The following XYLT1 variants were observed in gnomAD, a reference collection of about 807,000 sequenced individuals.
The protein encoded by XYLT1 is xylosyltransferase 1.
In XYLT1, 36 loss-of-function variants were observed where a neutral mutation model predicts 91.3. That is an observed-to-expected ratio of 0.39 (90% CI 0.30 to 0.52). The LOEUF is 0.52. Ranked by LOEUF, XYLT1 falls within the 20% of genes least tolerant of loss-of-function variation. The probability of loss-of-function intolerance (pLI) is 0.68; values close to 1 mark genes in which losing one functional copy is unlikely to be tolerated. For synonymous variants in XYLT1, 588 were observed against 532.0 expected (o/e 1.11, Z -1.45); for missense variants, 1,242 against 1,284.5 (o/e 0.97, Z 0.51).
chr16:17,395,148 A>G (rs923829148), intron 1 of XYLT1, among the ~76,000 whole-genome samples: 4 of 152,210 alleles, frequency 2.6e-5, no homozygotes, highest in African/African-American at 9.6e-5. Flanking sequence ...ATGAGAGTGA[A>G]GGGGGAACTG....
At chr16:17,109,193 C>T (rs1188894016) in intron 11 of XYLT1, among the ~76,000 whole-genome samples, 176 bp from the exon 12 acceptor site, 1 of 152,152 alleles carries the variant, frequency 6.6e-6, no homozygotes, top group African/African-American at 2.4e-5. Flanking sequence ...GAAAACTGAG[C>T]CCGTAAGGAC....
intron 3 of XYLT1, among the ~76,000 whole-genome samples, chr16:17,241,450 C>T (rs909270843): frequency 6.6e-6 from 1 of 152,266 alleles, no homozygotes; most frequent in Non-Finnish European, 1.5e-5. Context: ...GCCTGGCCCA[C>T]TGCCGTGGCT....
At chr16:17,372,097 A>G (rs2035542411) in intron 1 of XYLT1, among the ~76,000 whole-genome samples, 1 of 152,220 alleles carries the variant, frequency 6.6e-6, no homozygotes, top group African/African-American at 2.4e-5. Flanking sequence ...TAAGAGTTTT[A>G]CTTCTGAGCT....
chr16:17,158,912 G>A lies in XYLT1; in HGVS notation c.1290-3C>T. ...ACGCCACCAACTGGTCATTTGTCCT[G>A]TGGAAACAAACCAAGGGGAGAGTCA... On this transcript the variant is annotated splice_region_variant and splice_polypyrimidine_tract_variant and intron_variant, in intron 5 of 11. Transcript: ENST00000261381. 1 of 1,614,066 alleles carries A rather than the reference G, an allele frequency of 6.2e-7. No individual in the cohort carries two copies. The highest frequency in any genetic ancestry group is 2.2e-5 in the East Asian group (1 of 44,870).
intron 1 of XYLT1, among the ~76,000 whole-genome samples, chr16:17,443,586 C>A (rs761233175): frequency 1.3e-5 from 2 of 152,192 alleles, no homozygotes; most frequent in Non-Finnish European, 2.9e-5. Flanking sequence ...GTCAATTAAA[C>A]CTCTTTTGTT....
At chr16:17,404,248 T>C (rs1224468358) in intron 1 of XYLT1, among the ~76,000 whole-genome samples, 2 of 152,180 alleles carry the variant, frequency 1.3e-5, no homozygotes, top group Non-Finnish European at 2.9e-5. Flanking sequence ...TCTCAGATCC[T>C]GTCCCTTTTC....
chr16:17,280,622 C>T (rs192135006), intron 2 of XYLT1, among the ~76,000 whole-genome samples: 3 of 152,288 alleles, frequency 2.0e-5, no homozygotes, highest in Non-Finnish European at 4.4e-5. Context: ...GGAAGTTCCT[C>T]CCAGCTTTCA....
At chr16:17,134,789 G>C in intron 8 of XYLT1, 54 bp from the exon 9 acceptor site, 1 of 1,596,644 alleles carries the variant, frequency 6.3e-7, no homozygotes, top group Non-Finnish European at 8.5e-7. Flanking sequence ...GCTGGGGGTT[G>C]GGGGGAACCT....
rs565710822 is a variant in XYLT1, at chr16:17,156,766, G to C, written c.1370+2063C>G. Among the ~76,000 whole-genome samples the C allele has an allele frequency of 1.4e-4, 21 of 152,274 alleles. No individual in the cohort carries two copies. The South Asian group carries it at 4.3e-3, about 32-fold the overall frequency. The stretch of plus-strand genomic sequence containing the variant: ...CTGTACTCTTAGTGGCCTGAGCGTA[G>C]TAAACTAATCTGTGCTAATTTACAG... On this transcript the variant is annotated intron_variant, in intron 6 of 11. Transcript: ENST00000261381.
intron 3 of XYLT1, among the ~76,000 whole-genome samples, chr16:17,214,765 T>A (rs1468360428): frequency 3.3e-5 from 5 of 152,184 alleles, no homozygotes; most frequent in Non-Finnish European, 7.3e-5. Flanking sequence ...GAAAATGAAA[T>A]GGTGGCCATC....
chr16:17,138,155 G>A (rs183476940), intron 8 of XYLT1, 200 bp downstream of exon 8: 152 of 433,626 alleles, frequency 3.5e-4, no homozygotes, highest in African/African-American at 2.7e-3. Context: ...GGGTTAATGA[G>A]TCAATGTGGT....
intron 1 of XYLT1, among the ~76,000 whole-genome samples, chr16:17,414,849 T>C (rs1316126308): frequency 1.3e-5 from 2 of 152,090 alleles, no homozygotes; most frequent in African/African-American, 4.8e-5. Context: ...CAACACAAGA[T>C]GCTGTGAGAT....
At chr16:17,405,468 A>G (rs1344968969) in intron 1 of XYLT1, among the ~76,000 whole-genome samples, 1 of 152,214 alleles carries the variant, frequency 6.6e-6, no homozygotes, top group Non-Finnish European at 1.5e-5. Context: ...ACTCTGCCAC[A>G]GCCAGCCCTT....
At chr16:17,158,290 G>A (rs2031461403) in intron 6 of XYLT1, among the ~76,000 whole-genome samples, 1 of 152,212 alleles carries the variant, frequency 6.6e-6, no homozygotes, top group East Asian at 1.9e-4. Flanking sequence ...CAGTGAGGGA[G>A]TGAGGAGGAC....
intron 1 of XYLT1, among the ~76,000 whole-genome samples, chr16:17,360,618 C>A (rs1433011288): frequency 1.3e-5 from 2 of 152,190 alleles, no homozygotes; most frequent in African/African-American, 2.4e-5. Flanking sequence ...TCTGCACACA[C>A]TGGAAATGGA....
chr16:17,314,386 C>T (rs1460852039), intron 2 of XYLT1, among the ~76,000 whole-genome samples: 3 of 152,176 alleles, frequency 2.0e-5, no homozygotes, highest in East Asian at 1.9e-4. Context: ...TGCACGTTGC[C>T]GAGTCAGTCA....
chr16:17,369,141 T>C (rs1489287809), intron 1 of XYLT1, among the ~76,000 whole-genome samples: 1 of 150,508 alleles, frequency 6.6e-6, no homozygotes, highest in African/African-American at 2.4e-5. Context: ...TTTTTTTTTT[T>C]TTTTTTTTAG....
chr16:17,453,127 A>G (rs1230534267), intron 1 of XYLT1, among the ~76,000 whole-genome samples: 1 of 152,246 alleles, frequency 6.6e-6, no homozygotes, highest in Non-Finnish European at 1.5e-5. Flanking sequence ...TGAGTCACAT[A>G]GAAAGGATTT....
intron 5 of XYLT1, among the ~76,000 whole-genome samples, chr16:17,164,850 A>G (rs2141549109): frequency 6.6e-6 from 1 of 152,346 alleles, no homozygotes. Flanking sequence ...GGAAGAGGTC[A>G]ACTGTCCTGG....
Sources: allele counts gnomAD v4.1 joint callset (sites outside exome capture counted in the v4.1 genomes callset), GRCh38; gene constraint gnomAD v4.1.1; transcripts MANE v1.5; gene names NCBI Gene and HGNC (gene_info 2026-07-23, HGNC 2026-07-21).